The following GRAMD1C variants were observed in gnomAD, a reference collection of about 807,000 sequenced individuals.
The protein encoded by GRAMD1C is protein Aster-C.
Under a neutral mutation model 97.8 loss-of-function variants are expected in GRAMD1C, and 89 were observed. The observed-to-expected ratio is 0.91, with a 90% CI of 0.77 to 1.09. The LOEUF (loss-of-function observed/expected upper bound fraction) is 1.09. GRAMD1C is among the 50% of genes least tolerant of loss of function. GRAMD1C has a pLI of 0.00. For missense variants in GRAMD1C, 740 were observed against 766.4 expected (o/e 0.97, Z 0.41); for synonymous variants, 256 against 267.0 (o/e 0.96, Z 0.40).
intron 6 of GRAMD1C, among the ~76,000 whole-genome samples, chr3:113,899,612 C>G (rs1936073459): frequency 6.6e-6 from 1 of 152,282 alleles, no homozygotes; most frequent in African/African-American, 2.4e-5. Flanking sequence ...ACAATTGCTT[C>G]AAGTGTTATG....
intron 6 of GRAMD1C, chr3:113,897,411 C>A: frequency 3.2e-6 from 1 of 315,912 alleles, no homozygotes; most frequent in Non-Finnish European, 4.6e-6. Flanking sequence ...AAATTAGGAA[C>A]TGTCCCTTTA....
At chr3:113,836,746 C>A (rs544421081), upstream of GRAMD1C, among the ~76,000 whole-genome samples, 1 of 152,006 alleles carries the variant, frequency 6.6e-6, no homozygotes, top group African/African-American at 2.4e-5. Flanking sequence ...CAGGTTCAAG[C>A]GATTCTCCTG....
chr3:113,894,995 A>AT, intron 6 of GRAMD1C, among the ~76,000 whole-genome samples: 1 of 152,336 alleles, frequency 6.6e-6, no homozygotes, highest in East Asian at 1.9e-4. Flanking sequence ...GTATTAGTGT[A>AT]TAAAAAGAAA....
At chr3:113,885,588 G>C in intron 6 of GRAMD1C, 1 of 1,540,358 alleles carries the variant, frequency 6.5e-7, no homozygotes, top group Non-Finnish European at 9.0e-7. Context: ...CCTCAAGGTG[G>C]TAATAGACAA....
At chr3:113,839,125 A>G (rs947618921) in intron 1 of GRAMD1C, among the ~76,000 whole-genome samples, 189 bp downstream of exon 1, 8 of 152,046 alleles carry the variant, frequency 5.3e-5, no homozygotes, top group Non-Finnish European at 8.8e-5. Flanking sequence ...CCCTTTCCCT[A>G]CGGGCGGTGG....
chr3:113,933,846 C>CT (rs1937526670), intron 12 of GRAMD1C, among the ~76,000 whole-genome samples, 193 bp downstream of exon 12: 1 of 152,182 alleles, frequency 6.6e-6, no homozygotes, highest in Non-Finnish European at 1.5e-5. Flanking sequence ...ACACCCGGAG[C>CT]TACGTGATCC....
At chr3:113,939,855 T>A (rs375983556) in intron 15 of GRAMD1C, 31 bp from the exon 16 acceptor site, 8 of 1,150,640 alleles carry the variant, frequency 7.0e-6, no homozygotes, top group Admixed American at 6.8e-5. Flanking sequence ...TCTGGAAAAG[T>A]GTGGATTAAC....
intron 17 of GRAMD1C, among the ~76,000 whole-genome samples, chr3:113,944,009 T>G (rs1395333905): frequency 2.0e-5 from 3 of 152,250 alleles, no homozygotes; most frequent in African/African-American, 7.2e-5. Flanking sequence ...TTCTCTTTCC[T>G]TCTCTATTAC....
At chr3:113,875,691 A>G (rs1934999813) in intron 4 of GRAMD1C, 104 bp downstream of exon 4, 2 of 627,710 alleles carry the variant, frequency 3.2e-6, no homozygotes, top group Non-Finnish European at 5.7e-6. Context: ...AAATTTATAT[A>G]TATTTGTGCA....
At chr3:113,883,030 T>C (rs1935321908) in intron 6 of GRAMD1C, among the ~76,000 whole-genome samples, 198 bp downstream of exon 6, 1 of 151,274 alleles carries the variant, frequency 6.6e-6, no homozygotes, top group African/African-American at 2.4e-5. Flanking sequence ...ACCAAGAAAA[T>C]AAATAAAAAT....
At chr3:113,878,511 A>G (rs1180608568) in intron 5 of GRAMD1C, among the ~76,000 whole-genome samples, 2 of 152,204 alleles carry the variant, frequency 1.3e-5, no homozygotes, top group Non-Finnish European at 2.9e-5. Flanking sequence ...TTAAATGTAT[A>G]TAATCACACA....
chr3:113,875,917 A>C (rs900766738), intron 4 of GRAMD1C: 3 of 427,212 alleles, frequency 7.0e-6, no homozygotes, highest in Non-Finnish European at 1.2e-5. Flanking sequence ...GAACACCCAC[A>C]TGTCTTTTCA....
intron 2 of GRAMD1C, among the ~76,000 whole-genome samples, chr3:113,852,879 G>A (rs769784007): frequency 3.3e-5 from 5 of 152,194 alleles, no homozygotes; most frequent in Non-Finnish European, 5.9e-5. Flanking sequence ...AGGGCTTAGG[G>A]TGGGAGTGGG....
At chr3:113,899,204 T>G (rs907232029) in intron 6 of GRAMD1C, among the ~76,000 whole-genome samples, 2 of 152,224 alleles carry the variant, frequency 1.3e-5, no homozygotes, top group Non-Finnish European at 2.9e-5. Flanking sequence ...ATGTTACTTA[T>G]GTTCATGTAT....
intron 3 of GRAMD1C, among the ~76,000 whole-genome samples, chr3:113,872,386 T>C (rs999670196): frequency 1.7e-5 from 2 of 117,830 alleles, no homozygotes; most frequent in Non-Finnish European, 3.8e-5. Context: ...TTCATTCTTT[T>C]TTTTCTTTTT....
intron 3 of GRAMD1C, 118 bp downstream of exon 3, chr3:113,869,709 G>T: frequency 1.7e-6 from 1 of 574,058 alleles, no homozygotes. Context: ...TAATTTTCAA[G>T]TTAAGCATCA....
intron 1 of GRAMD1C, among the ~76,000 whole-genome samples, chr3:113,841,285 C>CTTTTTTTTTTT (rs772233296): frequency 0.017 from 1,595 of 94,208 alleles, 45 homozygotes; most frequent in Non-Finnish European, 0.021. Flanking sequence ...TTCTTTCTTT[C>CTTTTTTTTTTT]TTTTTTTTTT....
intron 1 of GRAMD1C, among the ~76,000 whole-genome samples, chr3:113,831,949 G>A (rs1709562590): frequency 6.6e-6 from 1 of 152,026 alleles, no homozygotes; most frequent in Admixed American, 6.6e-5. Flanking sequence ...ATTTTTCTCT[G>A]TATATGGGTC....
At chr3:113,836,429 C>T (rs775311187), upstream of GRAMD1C, among the ~76,000 whole-genome samples, 11 of 151,974 alleles carry the variant, frequency 7.2e-5, no homozygotes, top group Non-Finnish European at 1.6e-4. Flanking sequence ...CCACTTAGGT[C>T]CAATAATTAA....
Sources: allele counts gnomAD v4.1 joint callset (sites outside exome capture counted in the v4.1 genomes callset), GRCh38; gene constraint gnomAD v4.1.1; transcripts MANE v1.5; gene names NCBI Gene and HGNC (gene_info 2026-07-23, HGNC 2026-07-21).